Variants in TBC1D22A observed in about 807,000 individuals in gnomAD.
TBC1D22A encodes putative GTPase activator.
TBC1D22A carries 38 observed loss-of-function variants against 60.2 expected under a neutral mutation model. The observed-to-expected ratio is 0.63, with a 90% CI of 0.49 to 0.83. The LOEUF is 0.83. Among genes scored for constraint, TBC1D22A ranks in the 40% least tolerant of loss-of-function variants. TBC1D22A has a pLI of 0.00. For missense variants in TBC1D22A, 628 were observed against 701.0 expected, an observed-to-expected ratio of 0.90 and a Z score of 1.18; for synonymous variants, 302 against 281.7, an observed-to-expected ratio of 1.07 and a Z score of -0.72.
intron 9 of TBC1D22A, among the ~76,000 whole-genome samples, chr22:46,983,919 C>G (rs1794718506): frequency 6.6e-6 from 1 of 152,024 alleles, no homozygotes; most frequent in South Asian, 2.1e-4. Context: ...GGGAACACTT[C>G]TTTAAGAAGG....
intron 8 of TBC1D22A, chr22:46,913,513 A>G (rs1199121370): frequency 1.6e-5 from 20 of 1,283,546 alleles, no homozygotes; most frequent in Middle Eastern, 2.5e-4. Flanking sequence ...AGGTTGTCTC[A>G]TTGCTAAGCA....
chr22:46,811,408 C>A (rs2085370700), intron 4 of TBC1D22A, among the ~76,000 whole-genome samples: 1 of 152,190 alleles, frequency 6.6e-6, no homozygotes, highest in South Asian at 2.1e-4. Context: ...TGTGTGGCTT[C>A]TGAAGGCTGG....
intron 11 of TBC1D22A, among the ~76,000 whole-genome samples, chr22:47,070,438 ACGCT>A (rs1569417071): frequency 5.4e-4 from 59 of 109,658 alleles, no homozygotes; most frequent in Admixed American, 6.7e-4. Context: ...GTTTGGTTGG[ACGCT>A]GTCCCCTGTT....
At chr22:47,169,169 A>T (rs1191834602) in intron 12 of TBC1D22A, among the ~76,000 whole-genome samples, 1 of 152,082 alleles carries the variant, frequency 6.6e-6, no homozygotes, top group Non-Finnish European at 1.5e-5. Flanking sequence ...TTTTAGAGAG[A>T]TGCCTTTGCC....
chr22:46,932,690 G>C (rs1332777668), intron 8 of TBC1D22A, among the ~76,000 whole-genome samples: 1 of 150,184 alleles, frequency 6.7e-6, no homozygotes, highest in Non-Finnish European at 1.5e-5. Flanking sequence ...CTGAGGATAG[G>C]GTTTAGTGCA....
intron 11 of TBC1D22A, among the ~76,000 whole-genome samples, chr22:47,056,246 G>A (rs548417213): frequency 1.3e-5 from 2 of 152,110 alleles, no homozygotes; most frequent in East Asian, 3.9e-4. Flanking sequence ...TCCTCCGCAT[G>A]ACCTGGGTGC....
At chr22:46,953,266 C>T (rs1184499503) in intron 8 of TBC1D22A, among the ~76,000 whole-genome samples, 3 of 152,126 alleles carry the variant, frequency 2.0e-5, no homozygotes, top group East Asian at 1.9e-4. Flanking sequence ...GATTGATTCA[C>T]CTTTGCCATT....
intron 4 of TBC1D22A, among the ~76,000 whole-genome samples, chr22:46,855,012 A>T (rs1310413141): frequency 1.3e-5 from 2 of 152,234 alleles, no homozygotes; most frequent in African/African-American, 4.8e-5. Context: ...ATAATAAGTA[A>T]CAGCCATTAA....
intron 12 of TBC1D22A, among the ~76,000 whole-genome samples, chr22:47,153,524 G>T (rs1023517668): frequency 1.3e-5 from 2 of 152,044 alleles, no homozygotes; most frequent in East Asian, 3.9e-4. Context: ...GTCTGCCTGG[G>T]GGAGGTGGGT....
chr22:47,131,196 C>G lies in TBC1D22A; in HGVS notation c.1425+19593C>G, dbSNP rs1338423199. Among the ~76,000 whole-genome samples the G allele has an allele frequency of 2.0e-5, 3 of 152,234 alleles. No individual in the cohort carries two copies. In the South Asian group the frequency reaches 6.2e-4, roughly 32 times the overall value. On this transcript the variant is annotated intron_variant, in intron 12 of 12. Coordinates refer to ENST00000337137, the MANE Select transcript of TBC1D22A (RefSeq NM_014346.5). ...CACCAGGCCCCACTGCCAACACCAGCTGTCACATTCCACCATGAGATTGAG... is the reference window on the plus strand; with the variant it reads ...CACCAGGCCCCACTGCCAACACCAGGTGTCACATTCCACCATGAGATTGAG...
intron 8 of TBC1D22A, among the ~76,000 whole-genome samples, chr22:46,968,323 G>A (rs77070385): frequency 0.025 from 3,752 of 152,314 alleles, 133 homozygotes; most frequent in African/African-American, 0.081. Context: ...ACTTCCTAGC[G>A]CAGGACCTGG....
chr22:47,007,354 G>A (rs1032875944), intron 10 of TBC1D22A, among the ~76,000 whole-genome samples: 9 of 152,206 alleles, frequency 5.9e-5, no homozygotes, highest in Admixed American at 2.6e-4. Flanking sequence ...TGGGAACCAC[G>A]CAGATGAAAA....
In TBC1D22A at chr22:46,767,504, T is replaced by C. The variant is rs114620198; in HGVS notation, c.62+4656T>C. The stretch of plus-strand genomic sequence containing the variant: ...TAGGAACAGCCCCAGGTGCTGGAGA[T>C]AATATTAGTGAACAAAATAGACCTA... On this transcript the variant is annotated intron_variant, in intron 1 of 12. Coordinates refer to ENST00000337137, the MANE Select transcript of TBC1D22A (RefSeq NM_014346.5). 3.7e-3 allele frequency among the ~76,000 whole-genome samples: 566 copies of C among 152,330 alleles called. 5 individuals carry two copies. The highest frequency in any genetic ancestry group is 0.013 in the African/African-American group (539 of 41,566).
At chr22:47,147,870 G>A (rs2067345072) in intron 12 of TBC1D22A, among the ~76,000 whole-genome samples, 1 of 152,240 alleles carries the variant, frequency 6.6e-6, no homozygotes, top group Non-Finnish European at 1.5e-5. Flanking sequence ...GAGGCCGGAG[G>A]CCCAGCCTGG....
At chr22:46,844,897 A>G (rs1027232789) in intron 4 of TBC1D22A, among the ~76,000 whole-genome samples, 3 of 152,170 alleles carry the variant, frequency 2.0e-5, no homozygotes, top group Non-Finnish European at 4.4e-5. Context: ...CATGCCAGCA[A>G]GTATTGCCTG....
intron 12 of TBC1D22A, among the ~76,000 whole-genome samples, chr22:47,172,572 G>C (rs982535106): frequency 3.3e-5 from 5 of 152,140 alleles, no homozygotes; most frequent in Non-Finnish European, 5.9e-5. Context: ...CTTTACCTAT[G>C]AGAATCCTAC....
intron 4 of TBC1D22A, among the ~76,000 whole-genome samples, chr22:46,855,473 T>G (rs191366582): frequency 3.9e-5 from 6 of 151,976 alleles, no homozygotes; most frequent in African/African-American, 1.5e-4. Context: ...GTGGTTGGGG[T>G]TCAGAGGGGC....
chr22:46,878,347 A>AGGGAG (rs1491482215), intron 4 of TBC1D22A, among the ~76,000 whole-genome samples: 7 of 11,526 alleles, frequency 6.1e-4, no homozygotes, highest in South Asian at 3.5e-3. Flanking sequence ...GGTGGGAGGG[A>AGGGAG]AGGAGGCCAG....
chr22:47,063,810 G>A (rs75096591), intron 11 of TBC1D22A, among the ~76,000 whole-genome samples: 2,653 of 152,232 alleles, frequency 0.017, 81 homozygotes, highest in African/African-American at 0.061. Flanking sequence ...AGTCATCCTC[G>A]GCATTCCTGA....
Sources: allele counts gnomAD v4.1 joint callset (sites outside exome capture counted in the v4.1 genomes callset), GRCh38; gene constraint gnomAD v4.1.1; transcripts MANE v1.5; gene names NCBI Gene and HGNC (gene_info 2026-07-23, HGNC 2026-07-21).